CADPS2: variants seen among roughly 807,000 people sequenced by gnomAD.
CADPS2 encodes calcium dependent secretion activator 2, also known as calcium-dependent secretion activator 2.
CADPS2 carries 93 observed loss-of-function variants against 172.5 expected under a neutral mutation model. The ratio of observed to expected loss-of-function variants is 0.54; its 90% CI spans 0.46 to 0.64. CADPS2 has a LOEUF of 0.64. Among genes scored for constraint, CADPS2 ranks in the 30% least tolerant of loss-of-function variants. The pLI is 0.00. For missense variants in CADPS2, 1,420 were observed against 1,565.9 expected (o/e 0.91, Z 1.57); for synonymous variants, 546 against 555.2 (o/e 0.98, Z 0.23).
At chr7:122,331,662 AC>A (rs1275830540) in intron 28 of CADPS2, among the ~76,000 whole-genome samples, 1 of 152,146 alleles carries the variant, frequency 6.6e-6, no homozygotes, top group Non-Finnish European at 1.5e-5. Flanking sequence ...AAACAAAAAA[AC>A]AAACAAATAA....
intron 29 of CADPS2, among the ~76,000 whole-genome samples, chr7:122,321,801 ATCT>A (rs2032604909): frequency 6.6e-6 from 1 of 152,214 alleles, no homozygotes; most frequent in Non-Finnish European, 1.5e-5. Context: ...TTAAAGTGTA[ATCT>A]TCTTCACATA....
rs573801370 is a variant in CADPS2, at chr7:122,719,971, A to G, written c.453+16984T>C. ...TCAAAGAGGAAAGAACTTGCTCAAT[A>G]AAGAGTTATTGGAATGGAAACTCTA... On this transcript the variant is annotated intron_variant, in intron 2 of 29. Coordinates refer to ENST00000449022, the MANE Select transcript of CADPS2 (RefSeq NM_017954.11). Among the ~76,000 whole-genome samples, 10 of 152,254 alleles carry G rather than the reference A, an allele frequency of 6.6e-5. No individual in the cohort carries two copies. The East Asian group carries it at 1.9e-3, about 29-fold the overall frequency.
At chr7:122,583,090 A>G (rs1241081237) in intron 6 of CADPS2, among the ~76,000 whole-genome samples, 1 of 151,996 alleles carries the variant, frequency 6.6e-6, no homozygotes, top group Non-Finnish European at 1.5e-5. Flanking sequence ...GGAGGAAAAA[A>G]AAAAACTGCT....
At chr7:122,473,853 A>T (rs566655181) in intron 13 of CADPS2, among the ~76,000 whole-genome samples, 1 of 152,306 alleles carries the variant, frequency 6.6e-6, no homozygotes, top group African/African-American at 2.4e-5. Flanking sequence ...TTGTCAAGGA[A>T]TTCAAGTTAT....
chr7:122,338,167 T>A (rs746052524), intron 28 of CADPS2, among the ~76,000 whole-genome samples: 2 of 152,160 alleles, frequency 1.3e-5, no homozygotes, highest in Non-Finnish European at 2.9e-5. Context: ...GAGGCTGAAG[T>A]GGGCAGATTG....
At chr7:122,446,267 A>C (rs888188502) in intron 15 of CADPS2, among the ~76,000 whole-genome samples, 3 of 152,104 alleles carry the variant, frequency 2.0e-5, no homozygotes, top group Non-Finnish European at 4.4e-5. Flanking sequence ...TATATACTTA[A>C]AATTTTTTCA....
chr7:122,828,484 A>G (rs1376512099), intron 1 of CADPS2, among the ~76,000 whole-genome samples: 1 of 152,110 alleles, frequency 6.6e-6, no homozygotes, highest in South Asian at 2.1e-4. Flanking sequence ...ACTTTCACTT[A>G]GTTCTCTTTG....
At chr7:122,453,167 A>G (rs2053348683) in intron 14 of CADPS2, among the ~76,000 whole-genome samples, 1 of 152,140 alleles carries the variant, frequency 6.6e-6, no homozygotes, top group South Asian at 2.1e-4. Context: ...TAATATATCG[A>G]CCACATTTAT....
chr7:122,406,087 G>A (rs1262465999), intron 20 of CADPS2, among the ~76,000 whole-genome samples: 1 of 152,110 alleles, frequency 6.6e-6, no homozygotes, highest in Non-Finnish European at 1.5e-5. Context: ...CTAGAACAGA[G>A]GTTTTTAACC....
intron 3 of CADPS2, among the ~76,000 whole-genome samples, chr7:122,657,845 T>C (rs1402342639): frequency 6.6e-6 from 1 of 152,120 alleles, no homozygotes; most frequent in Non-Finnish European, 1.5e-5. Context: ...TCCAACACTA[T>C]GTTGAATAGG....
chr7:122,423,380 G>A (rs1160252270), intron 17 of CADPS2, among the ~76,000 whole-genome samples: 1 of 152,014 alleles, frequency 6.6e-6, no homozygotes, highest in African/African-American at 2.4e-5. Context: ...TTGTGGCTAG[G>A]TGCACCTAAG....
intron 1 of CADPS2, among the ~76,000 whole-genome samples, chr7:122,746,796 T>C (rs933813491): frequency 7.9e-5 from 12 of 152,236 alleles, no homozygotes; most frequent in Admixed American, 7.9e-4. Context: ...TATTTGATTC[T>C]AGGTCTTCAT....
intron 1 of CADPS2, among the ~76,000 whole-genome samples, chr7:122,872,465 C>T (rs1563220578): frequency 6.6e-6 from 1 of 151,874 alleles, no homozygotes; most frequent in Non-Finnish European, 1.5e-5. Flanking sequence ...AAAGCAAGGA[C>T]GAGGGAACAA....
chr7:122,883,039 C>A (rs949831784), intron 1 of CADPS2, among the ~76,000 whole-genome samples: 4 of 152,086 alleles, frequency 2.6e-5, no homozygotes, highest in Admixed American at 1.3e-4. Context: ...ATAAACTGAC[C>A]ACTATTATTC....
intron 1 of CADPS2, among the ~76,000 whole-genome samples, chr7:122,787,490 A>G (rs796908524): frequency 1.3e-4 from 20 of 152,290 alleles, no homozygotes; most frequent in African/African-American, 4.6e-4. Flanking sequence ...GAATTATTCA[A>G]CTTCAAAGGG....
At chr7:122,512,073 G>A (rs1415235129) in intron 9 of CADPS2, among the ~76,000 whole-genome samples, 1 of 152,004 alleles carries the variant, frequency 6.6e-6, no homozygotes, top group Non-Finnish European at 1.5e-5. Flanking sequence ...AATCATGTAA[G>A]AAGAGGTTAC....
intron 9 of CADPS2, among the ~76,000 whole-genome samples, chr7:122,510,278 G>A (rs1330906145): frequency 6.6e-6 from 1 of 151,860 alleles, no homozygotes; most frequent in South Asian, 2.1e-4. Flanking sequence ...AAAAAAAGAG[G>A]CCTCTTAGAA....
chr7:122,831,930 A>G (rs1341096041), intron 1 of CADPS2, among the ~76,000 whole-genome samples: 2 of 152,222 alleles, frequency 1.3e-5, no homozygotes, highest in Non-Finnish European at 2.9e-5. Context: ...CAATACTCCA[A>G]AGAGAAGAGT....
At chr7:122,626,770 G>T (rs2192018) in intron 4 of CADPS2, among the ~76,000 whole-genome samples, 111,894 of 152,128 alleles carry the variant, frequency 0.74, 41,641 homozygotes, top group Middle Eastern at 0.91. Context: ...TAAATATTTG[G>T]TCAATTAATT....
Sources: gnomAD v4.1 joint callset for allele counts (sites outside exome capture counted in the v4.1 genomes callset) on GRCh38, gnomAD v4.1.1 for gene constraint, MANE v1.5 for transcripts, NCBI Gene and HGNC (gene_info 2026-07-23, HGNC 2026-07-21) for gene names.